Variants in ST6GALNAC2 observed in about 807,000 individuals in gnomAD.
ST6GALNAC2 encodes alpha-N-acetylgalactosaminide alpha-2,6-sialyltransferase 2.
A neutral mutation model predicts 38.7 loss-of-function variants in ST6GALNAC2; 42 were observed. The observed-to-expected ratio is 1.09, with a 90% CI of 0.85 to 1.40. The LOEUF (loss-of-function observed/expected upper bound fraction) is 1.40, where lower values mean the gene tolerates loss of function less well. ST6GALNAC2 is among the 40% of genes most tolerant of loss of function. The pLI is 0.00. For synonymous variants in ST6GALNAC2, 233 were observed against 209.0 expected (o/e 1.11, Z -0.99); for missense variants, 506 against 481.7 (o/e 1.05, Z -0.47).
chr17:76,572,032 C>T (rs776994460), intron 5 of ST6GALNAC2, among the ~76,000 whole-genome samples: 9 of 152,084 alleles, frequency 5.9e-5, no homozygotes, highest in Non-Finnish European at 1.0e-4. Flanking sequence ...GAAACAACCC[C>T]AGCGCTGGGG....
chr17:76,569,601 G>C, intron 6 of ST6GALNAC2: 1 of 398,608 alleles, frequency 2.5e-6, no homozygotes, highest in Middle Eastern at 6.3e-4. Flanking sequence ...GGGACTGGGA[G>C]GGAGACTGGG....
In ST6GALNAC2 at chr17:76,578,031, C is replaced by T. The variant is rs543243037; in HGVS notation, c.186+725G>A. ...TTAGTCTCTTGGGCATGGAAAACAC[C>T]TCTTAAGCCTGTATTAATCCAGAAC... is the stretch of plus-strand genomic sequence containing the variant. On this transcript the variant is annotated intron_variant, in intron 2 of 8. Coordinates refer to ENST00000225276, the MANE Select transcript of ST6GALNAC2 (RefSeq NM_006456.3). Among the ~76,000 whole-genome samples the T allele has an allele frequency of 1.6e-4, 24 of 152,234 alleles. No homozygotes were observed. In the South Asian group the frequency reaches 4.4e-3, roughly 28 times the overall value.
At chr17:76,567,648 T>G (rs2075301458) in intron 7 of ST6GALNAC2, 96 bp from the exon 8 acceptor site, 1 of 795,202 alleles carries the variant, frequency 1.3e-6, no homozygotes, top group Admixed American at 2.1e-5. Context: ...CTTCAAAAAC[T>G]GAGGGCCTTC....
At chr17:76,583,947 A>G (rs1483908318) in intron 1 of ST6GALNAC2, among the ~76,000 whole-genome samples, 7 of 147,070 alleles carry the variant, frequency 4.8e-5, no homozygotes, top group Non-Finnish European at 3.0e-5. Flanking sequence ...AGCTGGGACT[A>G]CAGGTGCCCG....
intron 2 of ST6GALNAC2, among the ~76,000 whole-genome samples, chr17:76,576,826 C>T (rs1300172810): frequency 6.6e-6 from 1 of 151,868 alleles, no homozygotes; most frequent in African/African-American, 2.4e-5. Context: ...CAAAATTAGC[C>T]TGGTGTGGTG....
At position 76,567,234 on chromosome 17, in the gene ST6GALNAC2, G is replaced by A. The variant is rs112643786; in HGVS notation, c.957+219C>T. Among the ~76,000 whole-genome samples the A allele has an allele frequency of 6.3e-3, 954 of 152,250 alleles. 9 individuals carry two copies. Among genetic ancestry groups the A allele is most frequent in the African/African-American group, 0.021 (870 of 41,538 alleles). On this transcript the variant is annotated intron_variant, in intron 8 of 8. Coordinates refer to ENST00000225276, the MANE Select transcript of ST6GALNAC2 (RefSeq NM_006456.3). ...GAGCCAAGGCAAGCCTGAGGCAGGT[G>A]TCCGGAGCCAAGGCAAGGCTGGCCC...
intron 1 of ST6GALNAC2, among the ~76,000 whole-genome samples, chr17:76,580,502 T>C (rs975509954): frequency 2.6e-5 from 4 of 152,100 alleles, no homozygotes; most frequent in Admixed American, 6.6e-5. Flanking sequence ...GAGACCATCC[T>C]GGCTAACACG....
chr17:76,574,664 G>T, intron 2 of ST6GALNAC2, 125 bp from the exon 3 acceptor site: 1 of 748,160 alleles, frequency 1.3e-6, no homozygotes, highest in Non-Finnish European at 2.0e-6. Context: ...CCAGATTGGG[G>T]CCATCCTTGC....
At position 76,583,812 on chromosome 17, in the gene ST6GALNAC2, CT is replaced by C. The variant is rs71158029; in HGVS notation, c.125+1871del. On this transcript the variant is annotated intron_variant, in intron 1 of 8. Transcript: ENST00000225276. ...ATGTATAGGGTACAGTGTGATATTT[CT>C]TTTTTTTTTTTTTGAGATGGAGTCT... Among the ~76,000 whole-genome samples the C allele has an allele frequency of 4.6e-3, 629 of 136,100 alleles. 3 individuals are homozygous for C. The highest frequency in any genetic ancestry group is 0.015 in the African/African-American group (551 of 36,382). 89.3% of individuals were successfully genotyped at this position (136,100 alleles called of 152,430 possible). A position where few individuals can be genotyped will look rare whatever the true frequency, so the allele number is the denominator to read the frequency against.
chr17:76,585,020 G>A (rs1274855505), intron 1 of ST6GALNAC2, among the ~76,000 whole-genome samples: 2 of 152,288 alleles, frequency 1.3e-5, no homozygotes, highest in East Asian at 3.8e-4. Context: ...AAAGTGCCTA[G>A]GGAGGAGGAG....
chr17:76,578,194 T>C (rs2075438851), intron 2 of ST6GALNAC2, among the ~76,000 whole-genome samples: 1 of 152,174 alleles, frequency 6.6e-6, no homozygotes, highest in Non-Finnish European at 1.5e-5. Flanking sequence ...GACTACCTCT[T>C]ACTACCTAAG....
chr17:76,573,084 C>G lies in ST6GALNAC2; in HGVS notation c.530+111G>C. On this transcript the variant is annotated intron_variant, in intron 4 of 8. Coordinates refer to ENST00000225276, the MANE Select transcript of ST6GALNAC2 (RefSeq NM_006456.3). This position sits in a 1 kb window ranked among gnomAD's most constrained non-coding sequence, Gnocchi z 5.1. The stretch of plus-strand genomic sequence containing the variant: ...GTCCATGCCCGTGTGCTGGTCACAA[C>G]TGCTGAGCCGCCCAGGCCACTGCTG... 1 of 1,237,904 alleles carries G rather than the reference C, an allele frequency of 8.1e-7. No homozygotes were observed. Among genetic ancestry groups the G allele is most frequent in the Non-Finnish European group, 1.1e-6 (1 of 900,828 alleles). The allele number at this position is 1,237,904 out of a possible 1,614,324, so 76.7% of individuals were successfully genotyped here. A position where few individuals can be genotyped will look rare whatever the true frequency, so the allele number is the denominator to read the frequency against.
Position 76,585,836 on chromosome 17 carries a change from CG to C in ST6GALNAC2, c.-29del. On this transcript the variant is annotated 5_prime_UTR_variant, in exon 1 of 9. Coordinates refer to ENST00000225276, the MANE Select transcript of ST6GALNAC2 (RefSeq NM_006456.3). ...AGCCCCGGCCCGCGAGCGCCCCGTCCGCTGACGTCCCAGGCAGAAGGGAGAG... is the reference window on the plus strand; with the variant it reads ...AGCCCCGGCCCGCGAGCGCCCCGTCCCTGACGTCCCAGGCAGAAGGGAGAG... The C allele has an allele frequency of 6.6e-7, 1 of 1,516,276 alleles. No homozygotes were observed. Among genetic ancestry groups the C allele is most frequent in the South Asian group, 1.2e-5 (1 of 81,582 alleles). The allele number at this position is 1,516,276 out of a possible 1,614,324, so 93.9% of individuals were successfully genotyped here.
At chr17:76,568,532 A>G in intron 7 of ST6GALNAC2, 181 bp downstream of exon 7, 1 of 624,790 alleles carries the variant, frequency 1.6e-6, no homozygotes, top group African/African-American at 1.8e-5. Context: ...CCCTCCCTCT[A>G]TCAAGGTGCT....
At chr17:76,570,726 T>C in intron 5 of ST6GALNAC2, 58 bp from the exon 6 acceptor site, 1 of 1,361,024 alleles carries the variant, frequency 7.3e-7, no homozygotes, top group Non-Finnish European at 1.0e-6. Context: ...AGCTCCTCAG[T>C]GTGGACAGCC....
intron 5 of ST6GALNAC2, 38 bp downstream of exon 5, chr17:76,572,599 A>G (rs749931452): frequency 5.0e-6 from 8 of 1,612,120 alleles, no homozygotes; most frequent in African/African-American, 4.0e-5. Context: ...CAATGGTGCC[A>G]TTGTCAACCA....
rs1384053148 is a variant in ST6GALNAC2, at chr17:76,565,863, A to G, written c.*241T>C. The G allele has an allele frequency of 4.4e-6, 2 of 453,758 alleles. No individual in the cohort carries two copies. Among genetic ancestry groups the G allele is most frequent in the East Asian group, 7.8e-5 (2 of 25,624 alleles). 28.1% of individuals were successfully genotyped at this position (453,758 alleles called of 1,614,324 possible). A position where few individuals can be genotyped will look rare whatever the true frequency, so the allele number is the denominator to read the frequency against. On this transcript the variant is annotated 3_prime_UTR_variant, in exon 9 of 9. Transcript: ENST00000225276. ...TTGCTCAGTGCCAATCCAGCAAAGC[A>G]GTCCATTTTCCCTTGGCCAAGATTG...
intron 7 of ST6GALNAC2, 74 bp from the exon 8 acceptor site, chr17:76,567,626 TA>T: frequency 9.8e-7 from 1 of 1,025,010 alleles, no homozygotes; most frequent in Non-Finnish European, 1.5e-6. Flanking sequence ...CACATTCAAA[TA>T]GGTGGGAAAA....
At chr17:76,569,142 G>A in intron 6 of ST6GALNAC2, 1 of 298,432 alleles carries the variant, frequency 3.4e-6, no homozygotes. Flanking sequence ...GGGGCTTCCG[G>A]GCAGGGCAGG....
Sources: allele counts gnomAD v4.1 joint callset (sites outside exome capture counted in the v4.1 genomes callset), GRCh38; gene constraint gnomAD v4.1.1; non-coding constraint Gnocchi (gnomAD v3.1); transcripts MANE v1.5; gene names NCBI Gene and HGNC (gene_info 2026-07-23, HGNC 2026-07-21).